The following PLEKHA7 variants were observed in gnomAD, a reference collection of about 807,000 sequenced individuals.
The protein encoded by PLEKHA7 is pleckstrin homology domain-containing family A member 7.
PLEKHA7 carries 104 observed loss-of-function variants against 170.0 expected under a neutral mutation model. The observed-to-expected ratio is 0.61, with a 90% CI of 0.52 to 0.72. PLEKHA7 has a LOEUF of 0.72. Among genes scored for constraint, PLEKHA7 ranks in the 30% least tolerant of loss-of-function variants. PLEKHA7 has a pLI of 0.00. For missense variants in PLEKHA7, 1,615 were observed against 1,671.7 expected, an observed-to-expected ratio of 0.97 and a Z score of 0.59; for synonymous variants, 648 against 660.8, an observed-to-expected ratio of 0.98 and a Z score of 0.30.
intron 3 of PLEKHA7, among the ~76,000 whole-genome samples, chr11:16,891,109 C>A (rs918147395): frequency 6.0e-4 from 64 of 106,806 alleles, no homozygotes; most frequent in African/African-American, 1.7e-3. Context: ...GAGATGGGGT[C>A]TTGCTATGTT....
intron 9 of PLEKHA7, among the ~76,000 whole-genome samples, chr11:16,827,439 A>C (rs1366455335): frequency 6.6e-6 from 1 of 152,168 alleles, no homozygotes; most frequent in Non-Finnish European, 1.5e-5. Context: ...ACCCAGGTAG[A>C]CTCCAGAGCC....
At chr11:16,878,466 C>T (rs764283372) in intron 3 of PLEKHA7, among the ~76,000 whole-genome samples, 12 of 152,338 alleles carry the variant, frequency 7.9e-5, no homozygotes, top group Non-Finnish European at 1.5e-4. Flanking sequence ...CTGCCTGGTT[C>T]CATCTTCGTC....
intron 3 of PLEKHA7, chr11:16,881,385 T>C (rs1301829943): frequency 1.3e-5 from 2 of 152,214 alleles, no homozygotes; most frequent in Non-Finnish European, 2.9e-5. Context: ...CCAGCCTGCC[T>C]GCTGTCTCTC....
At chr11:16,988,863 A>C (rs2136931950) in intron 3 of PLEKHA7, among the ~76,000 whole-genome samples, 1 of 152,350 alleles carries the variant, frequency 6.6e-6, no homozygotes. Context: ...ACAGAGGATG[A>C]GACTCTTCTA....
intron 25 of PLEKHA7, 87 bp from the exon 26 acceptor site, chr11:16,782,983 T>G: frequency 7.1e-7 from 1 of 1,402,780 alleles, no homozygotes; most frequent in Non-Finnish European, 9.5e-7. Flanking sequence ...CTAGAGGTTC[T>G]CAACATTTTG....
At chr11:16,971,823 T>G (rs1286158960) in intron 3 of PLEKHA7, among the ~76,000 whole-genome samples, 8 of 151,312 alleles carry the variant, frequency 5.3e-5, no homozygotes, top group African/African-American at 1.7e-4. Context: ...ATTTTCCTGG[T>G]TTTTTTTTCT....
At chr11:16,827,883 A>G (rs186405463) in intron 9 of PLEKHA7, among the ~76,000 whole-genome samples, 82 of 151,238 alleles carry the variant, frequency 5.4e-4, no homozygotes, top group African/African-American at 1.4e-3. Flanking sequence ...AAAATGGCCA[A>G]GCCAGAGGCG....
intron 3 of PLEKHA7, among the ~76,000 whole-genome samples, chr11:16,871,524 G>A (rs528225528): frequency 1.3e-5 from 2 of 152,228 alleles, no homozygotes; most frequent in South Asian, 2.1e-4. Flanking sequence ...AAGACAGTAC[G>A]AGCTAAAACA....
chr11:16,846,029 A>G (rs1056390723), intron 8 of PLEKHA7, among the ~76,000 whole-genome samples: 1 of 152,176 alleles, frequency 6.6e-6, no homozygotes, highest in South Asian at 2.1e-4. Context: ...TCATGCCTGT[A>G]ATCCCAGCAC....
Position 16,778,962 on chromosome 11 carries a change from C to G in PLEKHA7, c.*36G>C. 2 of 702,616 alleles carry G rather than the reference C, an allele frequency of 2.8e-6. No individual in the cohort carries two copies. Among genetic ancestry groups the G allele is most frequent in the Non-Finnish European group, 5.2e-6 (2 of 385,008 alleles). The allele number at this position is 702,616 out of a possible 1,614,324, so 43.5% of individuals were successfully genotyped here. ...ATCTCCTTGGAGGAAGCTGGTTCCA[C>G]TGGGCCCCTGGCTCCAGGCTTCTTT... is the stretch of plus-strand genomic sequence containing the variant. On this transcript the variant is annotated 3_prime_UTR_variant, in exon 27 of 27. Coordinates refer to ENST00000531066, the MANE Select transcript of PLEKHA7 (RefSeq NM_001329630.2).
At position 16,852,263 on chromosome 11, in the gene PLEKHA7, T is replaced by A. The variant is rs766596945; in HGVS notation, c.595+20A>T. 6.2e-7 allele frequency: 1 copy of A among 1,612,204 alleles called. No homozygotes were observed. The highest frequency in any genetic ancestry group is 8.5e-7 in the Non-Finnish European group (1 of 1,178,422). On this transcript the variant is annotated intron_variant, in intron 7 of 26. Transcript: ENST00000531066. Reference sequence around the variant, plus strand: ...AAAACTGAACACTTCGGCAGGGTAATAGGCTACTTGTTAGCTCACCTTTAT... The same window carrying A: ...AAAACTGAACACTTCGGCAGGGTAAAAGGCTACTTGTTAGCTCACCTTTAT...
intron 24 of PLEKHA7, among the ~76,000 whole-genome samples, chr11:16,785,351 C>A (rs1274955931): frequency 6.6e-6 from 1 of 152,220 alleles, no homozygotes; most frequent in Admixed American, 6.5e-5. Flanking sequence ...AGTTTCCAGG[C>A]AGGCCAAGTC....
At chr11:16,943,566 A>T (rs533945536) in intron 3 of PLEKHA7, among the ~76,000 whole-genome samples, 2 of 152,352 alleles carry the variant, frequency 1.3e-5, no homozygotes, top group East Asian at 3.9e-4. Flanking sequence ...CAAATCAACC[A>T]CAGGCTTCAA....
At chr11:16,990,173 T>A (rs1441072763) in intron 3 of PLEKHA7, among the ~76,000 whole-genome samples, 1 of 138,156 alleles carries the variant, frequency 7.2e-6, no homozygotes, top group Non-Finnish European at 1.6e-5. Context: ...CTCAAAAAAA[T>A]AAAAATAAAA....
chr11:16,973,954 T>C (rs1862886235), intron 3 of PLEKHA7, among the ~76,000 whole-genome samples: 1 of 152,368 alleles, frequency 6.6e-6, no homozygotes, highest in Non-Finnish European at 1.5e-5. Context: ...TGAGCCTGCA[T>C]GACCCCTCTC....
chr11:16,787,582 C>T (rs1312922448), intron 23 of PLEKHA7: 2 of 152,082 alleles, frequency 1.3e-5, no homozygotes, highest in East Asian at 1.9e-4. Flanking sequence ...TCATTTAAAC[C>T]CAGCCTGATT....
In PLEKHA7 at chr11:16,791,044, C is replaced by T. The variant is rs1847812759; in HGVS notation, c.2901G>A (p.Arg967=). The change falls in exon 20 of 27, where the codon CGG becomes CGA. Residue 967 remains arginine, a synonymous_variant. Transcript: ENST00000531066. The surrounding 1 kb of genome is among the most constrained non-coding windows in gnomAD (Gnocchi z 4.5). The stretch of plus-strand genomic sequence containing the variant: ...CCCCATTCACACACTGCCCCAGCTC[C>T]CGGTCTCGCTTCCTCTCGTCTGACT... ...KRQSDERKRD[R]ELGQCVNGDS... The T allele has an allele frequency of 6.2e-7, 1 of 1,614,026 alleles. No homozygotes were observed. Among genetic ancestry groups the T allele is most frequent in the African/African-American group, 1.3e-5 (1 of 74,924 alleles).
intron 3 of PLEKHA7, among the ~76,000 whole-genome samples, chr11:16,907,271 C>G (rs1407021069): frequency 6.9e-6 from 1 of 145,248 alleles, no homozygotes; most frequent in African/African-American, 2.6e-5. Context: ...GGGGGTCAGC[C>G]CCCCGCCCGG....
intron 3 of PLEKHA7, among the ~76,000 whole-genome samples, chr11:16,993,503 A>G (rs956826916): frequency 6.6e-6 from 1 of 152,184 alleles, no homozygotes; most frequent in African/African-American, 2.4e-5. Flanking sequence ...GTCATTGTGA[A>G]GAGCCACTGA....
Sources: gnomAD v4.1 joint callset for allele counts (sites outside exome capture counted in the v4.1 genomes callset) on GRCh38, gnomAD v4.1.1 for gene constraint, Gnocchi (gnomAD v3.1) non-coding constraint, MANE v1.5 for transcripts, NCBI Gene and HGNC (gene_info 2026-07-23, HGNC 2026-07-21) for gene names.